NRXN3: variants seen among roughly 807,000 people sequenced by gnomAD.
NRXN3 encodes neurexin III.
Under a neutral mutation model 137.6 loss-of-function variants are expected in NRXN3, and 32 were observed. That is an observed-to-expected ratio of 0.23 (90% CI 0.18 to 0.31). NRXN3 has a LOEUF of 0.31. NRXN3 is among the 10% of genes least tolerant of loss of function. The pLI is 1.00. For synonymous variants in NRXN3, 798 were observed against 784.5 expected, an observed-to-expected ratio of 1.02 and a Z score of -0.29; for missense variants, 1,574 against 2,062.5, an observed-to-expected ratio of 0.76 and a Z score of 4.59.
At chr14:79,807,781 C>T (rs1190757854) in intron 20 of NRXN3, among the ~76,000 whole-genome samples, 2 of 152,142 alleles carry the variant, frequency 1.3e-5, no homozygotes, top group Admixed American at 6.5e-5. Context: ...GATTATTCAA[C>T]TCATCACATT....
At chr14:79,114,582 A>C (rs1447609572) in intron 15 of NRXN3, among the ~76,000 whole-genome samples, 1 of 152,212 alleles carries the variant, frequency 6.6e-6, no homozygotes, top group Non-Finnish European at 1.5e-5. Context: ...ATATTACTTA[A>C]AATAAACTAT....
At chr14:79,286,606 C>A (rs2082302587) in intron 15 of NRXN3, among the ~76,000 whole-genome samples, 1 of 149,334 alleles carries the variant, frequency 6.7e-6, no homozygotes, top group Non-Finnish European at 1.5e-5. Flanking sequence ...GCAAAGCATT[C>A]CATCTTTGGG....
At chr14:78,798,032 C>A (rs1279375951) in intron 8 of NRXN3, among the ~76,000 whole-genome samples, 1 of 152,260 alleles carries the variant, frequency 6.6e-6, no homozygotes, top group East Asian at 1.9e-4. Flanking sequence ...TAACCCATAT[C>A]ATTCCATCCC....
chr14:79,373,406 A>G (rs2094168830), intron 15 of NRXN3, among the ~76,000 whole-genome samples: 1 of 152,230 alleles, frequency 6.6e-6, no homozygotes, highest in Admixed American at 6.5e-5. Flanking sequence ...TGTAATTGTA[A>G]GAAGTGTGGC....
chr14:78,602,476 G>C, intron 4 of NRXN3: 1 of 152,284 alleles, frequency 6.6e-6, no homozygotes. Flanking sequence ...CCCTGGGAGA[G>C]GAAAGTGAAC....
chr14:78,643,518 A>C (rs569624786), intron 4 of NRXN3, among the ~76,000 whole-genome samples: 7 of 152,234 alleles, frequency 4.6e-5, no homozygotes, highest in Non-Finnish European at 1.0e-4. Context: ...CGAATCAACA[A>C]ATAATTAAAT....
intron 4 of NRXN3, among the ~76,000 whole-genome samples, chr14:78,532,761 C>A (rs2096486181): frequency 6.6e-6 from 1 of 151,766 alleles, no homozygotes; most frequent in South Asian, 2.1e-4. Flanking sequence ...CCTTCGTATC[C>A]AAATCATCAT....
chr14:79,219,929 A>G (rs1012718082), intron 15 of NRXN3, among the ~76,000 whole-genome samples: 1 of 152,186 alleles, frequency 6.6e-6, no homozygotes, highest in Non-Finnish European at 1.5e-5. Context: ...TTCAAGCAGC[A>G]TTGGTTTTAA....
chr14:78,290,026 A>G (rs1319325074), intron 3 of NRXN3, among the ~76,000 whole-genome samples: 1 of 152,190 alleles, frequency 6.6e-6, no homozygotes, highest in Non-Finnish European at 1.5e-5. Context: ...GCATGTTGAC[A>G]TGTTTTGGGT....
intron 2 of NRXN3, among the ~76,000 whole-genome samples, chr14:78,277,331 C>T (rs933299196): frequency 1.1e-4 from 17 of 152,264 alleles, no homozygotes; most frequent in African/African-American, 2.9e-4. Flanking sequence ...AGGTGGGAGA[C>T]GCTCACCCAG....
At chr14:79,330,706 G>A (rs1181658394) in intron 15 of NRXN3, among the ~76,000 whole-genome samples, 2 of 152,140 alleles carry the variant, frequency 1.3e-5, no homozygotes, top group Non-Finnish European at 2.9e-5. Context: ...AAAGCATAGA[G>A]AAGAGAAAGA....
chr14:79,252,031 T>A (rs960904558), intron 15 of NRXN3, among the ~76,000 whole-genome samples: 3 of 152,162 alleles, frequency 2.0e-5, no homozygotes, highest in Admixed American at 2.0e-4. Context: ...CAGGTTACAT[T>A]TTTCTCTTTC....
chr14:79,198,698 G>A (rs1343228204), intron 15 of NRXN3, among the ~76,000 whole-genome samples: 1 of 152,194 alleles, frequency 6.6e-6, no homozygotes, highest in Non-Finnish European at 1.5e-5. Context: ...ATTGGGGCAG[G>A]AACTTTCTTC....
chr14:78,200,245 A>G (rs1189005236), intron 1 of NRXN3, among the ~76,000 whole-genome samples: 2 of 152,204 alleles, frequency 1.3e-5, no homozygotes, highest in African/African-American at 4.8e-5. Context: ...ATGGGGTAAT[A>G]GGTTATGTTG....
chr14:78,253,102 C>G (rs1053217650), intron 2 of NRXN3, among the ~76,000 whole-genome samples: 3 of 152,146 alleles, frequency 2.0e-5, no homozygotes, highest in Non-Finnish European at 4.4e-5. Flanking sequence ...AAGACAAATC[C>G]TCCCACAGTA....
At chr14:79,313,920 C>A (rs1230447154) in intron 15 of NRXN3, 1 of 140,278 alleles carries the variant, frequency 7.1e-6, no homozygotes, top group Non-Finnish European at 1.5e-5. Flanking sequence ...TCGTCTGAAG[C>A]CTTCTTCTCT....
At chr14:79,187,171 T>G (rs1326257785) in intron 15 of NRXN3, among the ~76,000 whole-genome samples, 1 of 152,270 alleles carries the variant, frequency 6.6e-6, no homozygotes, top group Middle Eastern at 3.4e-3. Context: ...ACAGATAAAT[T>G]CTTTTTGAAA....
intron 15 of NRXN3, among the ~76,000 whole-genome samples, chr14:79,320,378 G>T (rs556061756): frequency 3.3e-5 from 5 of 152,264 alleles, no homozygotes; most frequent in African/African-American, 1.2e-4. Flanking sequence ...AAATACCACA[G>T]TTGGCCAGGG....
At chr14:78,963,397 G>T (rs749169184) in intron 11 of NRXN3, among the ~76,000 whole-genome samples, 22 of 151,960 alleles carry the variant, frequency 1.4e-4, no homozygotes, top group Non-Finnish European at 2.6e-4. Context: ...ATGACTAGCA[G>T]CATCATCATA....
Sources: gnomAD v4.1 joint callset for allele counts (sites outside exome capture counted in the v4.1 genomes callset) on GRCh38, gnomAD v4.1.1 for gene constraint, MANE v1.5 for transcripts, NCBI Gene and HGNC (gene_info 2026-07-23, HGNC 2026-07-21) for gene names.